The following REDIC1 variants were observed in gnomAD, a reference collection of about 807,000 sequenced individuals.
The protein encoded by REDIC1 is regulator of DNA class I crossover intermediates 1.
At chr12:39,770,456 C>T in the REDIC1 span, among the ~76,000 whole-genome samples, 1 of 152,140 alleles carries the variant, frequency 6.6e-6, no homozygotes, top group Admixed American at 6.5e-5. Flanking sequence ...ATATAATGAG[C>T]ACTTTTTATG....
At chr12:39,904,638 C>T in the REDIC1 span, among the ~76,000 whole-genome samples, 14 of 152,244 alleles carry the variant, frequency 9.2e-5, no homozygotes, top group South Asian at 4.2e-4. Context: ...TGTCCTATCA[C>T]GTGCCTTCTT....
chr12:39,830,670 T>C, the REDIC1 span, among the ~76,000 whole-genome samples: 4 of 146,906 alleles, frequency 2.7e-5, no homozygotes, highest in African/African-American at 9.8e-5. Flanking sequence ...ATGAAAATAG[T>C]TTTTTTTTCT....
At chr12:39,751,151 G>A in the REDIC1 span, among the ~76,000 whole-genome samples, 1 of 152,136 alleles carries the variant, frequency 6.6e-6, no homozygotes, top group African/African-American at 2.4e-5. Context: ...GAACATTTTT[G>A]CAATCTACTC....
the REDIC1 span, among the ~76,000 whole-genome samples, chr12:39,653,551 CTTCTTCT>C: frequency 3.3e-4 from 41 of 122,662 alleles, 2 homozygotes; most frequent in South Asian, 1.0e-3. Context: ...TCTTCTTCTT[CTTCTTCT>C]TTCTTCTTCT....
At chr12:39,655,842 C>T in the REDIC1 span, among the ~76,000 whole-genome samples, 6 of 152,128 alleles carry the variant, frequency 3.9e-5, no homozygotes, top group Non-Finnish European at 7.4e-5. Context: ...CTCAGTTTAT[C>T]GTGTGCCTTT....
chr12:39,735,404 A>G, the REDIC1 span, among the ~76,000 whole-genome samples: 1 of 152,222 alleles, frequency 6.6e-6, no homozygotes, highest in African/African-American at 2.4e-5. Flanking sequence ...GAAAATAGAA[A>G]TAGAAAATAG....
the REDIC1 span, among the ~76,000 whole-genome samples, chr12:39,898,666 T>C: frequency 0.01 from 1,570 of 152,264 alleles, 29 homozygotes; most frequent in African/African-American, 0.035. Flanking sequence ...TACAAGGCAT[T>C]GAGACCTTAT....
At chr12:39,778,255 T>C in the REDIC1 span, among the ~76,000 whole-genome samples, 2 of 152,212 alleles carry the variant, frequency 1.3e-5, no homozygotes, top group African/African-American at 2.4e-5. Flanking sequence ...TGAGGCTGAA[T>C]GTTTGTCAAA....
chr12:39,630,719 G>A, the REDIC1 span, among the ~76,000 whole-genome samples: 1 of 152,196 alleles, frequency 6.6e-6, no homozygotes, highest in African/African-American at 2.4e-5. Context: ...ACAAAAGAAG[G>A]TTCGATGGAG....
the REDIC1 span, among the ~76,000 whole-genome samples, chr12:39,681,765 C>G: frequency 1.3e-5 from 2 of 152,160 alleles, no homozygotes; most frequent in East Asian, 3.9e-4. Context: ...AATATATGGC[C>G]TAGTACCTGG....
chr12:39,759,875 A>G, the REDIC1 span: 2 of 603,406 alleles, frequency 3.3e-6, no homozygotes, highest in Non-Finnish European at 5.8e-6. Context: ...TCATGGTTGT[A>G]TCTTCCTCCT....
the REDIC1 span, among the ~76,000 whole-genome samples, chr12:39,821,421 A>AT: frequency 6.6e-6 from 1 of 151,468 alleles, no homozygotes; most frequent in African/African-American, 2.4e-5. Context: ...AAAAAAAAAA[A>AT]TTTTTTTTTG....
the REDIC1 span, chr12:39,872,005 A>G: frequency 1.4e-6 from 2 of 1,451,346 alleles, no homozygotes; most frequent in Non-Finnish European, 1.8e-6. Context: ...TAGTTACCCA[A>G]AGAAACAGGG....
chr12:39,871,861 G>C, the REDIC1 span: 1 of 1,612,486 alleles, frequency 6.2e-7, no homozygotes. Flanking sequence ...ACTCCCACAA[G>C]TGTGAAAATG....
At chr12:39,802,616 G>T in the REDIC1 span, among the ~76,000 whole-genome samples, 1 of 152,082 alleles carries the variant, frequency 6.6e-6, no homozygotes, top group Non-Finnish European at 1.5e-5. Context: ...CTTAGATTGA[G>T]ACCGTTATCT....
the REDIC1 span, among the ~76,000 whole-genome samples, chr12:39,820,770 TATATATAA>T: frequency 3.2e-5 from 1 of 31,692 alleles, no homozygotes; most frequent in East Asian, 1.3e-3. Flanking sequence ...TATATATATA[TATATATAA>T]AGCAACATGT....
At chr12:39,711,771 G>GCATGTGTATGTGTGTA in the REDIC1 span, among the ~76,000 whole-genome samples, 2 of 104,734 alleles carry the variant, frequency 1.9e-5, no homozygotes, top group Non-Finnish European at 3.7e-5. Flanking sequence ...ATGTGTGTGT[G>GCATGTGTATGTGTGTA]CACATGCATG....
At chr12:39,776,215 C>T in the REDIC1 span, among the ~76,000 whole-genome samples, 5 of 152,294 alleles carry the variant, frequency 3.3e-5, no homozygotes, top group African/African-American at 1.2e-4. Flanking sequence ...CTCCATTGTG[C>T]GGTTCCTTCA....
the REDIC1 span, among the ~76,000 whole-genome samples, chr12:39,629,426 A>G: frequency 6.6e-6 from 1 of 152,200 alleles, no homozygotes; most frequent in East Asian, 1.9e-4. Context: ...TTGTTCTTGT[A>G]TATTATAGAA....
Sources: allele counts gnomAD v4.1 joint callset (sites outside exome capture counted in the v4.1 genomes callset), GRCh38; gene constraint gnomAD v4.1.1; transcripts MANE v1.5; gene names NCBI Gene and HGNC (gene_info 2026-07-23, HGNC 2026-07-21).